The following SGMS1 variants were observed in gnomAD, a reference collection of about 807,000 sequenced individuals.
SGMS1 encodes sphingomyelin synthase 1.
In SGMS1, 13 loss-of-function variants were observed where a neutral mutation model predicts 46.2. That is an observed-to-expected ratio of 0.28 (90% confidence interval 0.18 to 0.45). The LOEUF (loss-of-function observed/expected upper bound fraction) is 0.45, where lower values mean the gene tolerates loss of function less well. Ranked by LOEUF, SGMS1 falls within the 20% of genes least tolerant of loss-of-function variation. The pLI, the probability that SGMS1 is intolerant of heterozygous loss-of-function variation, is 1.00. For missense variants in SGMS1, 324 were observed against 519.9 expected, an observed-to-expected ratio of 0.62 and a Z score of 3.66; for synonymous variants, 203 against 187.8, an observed-to-expected ratio of 1.08 and a Z score of -0.66.
At chr10:50,537,145 C>G (rs568663177) in intron 2 of SGMS1, among the ~76,000 whole-genome samples, 1 of 152,334 alleles carries the variant, frequency 6.6e-6, no homozygotes, top group South Asian at 2.1e-4. Flanking sequence ...AACTGAATGA[C>G]TGATACATAT....
intron 4 of SGMS1, among the ~76,000 whole-genome samples, chr10:50,466,553 G>A (rs1218807875): frequency 6.6e-6 from 1 of 152,104 alleles, no homozygotes; most frequent in East Asian, 1.9e-4. Flanking sequence ...ATAACAGGCT[G>A]TGGAAAATAA....
At chr10:50,427,789 C>A (rs1284452693) in intron 6 of SGMS1, among the ~76,000 whole-genome samples, 2 of 152,134 alleles carry the variant, frequency 1.3e-5, no homozygotes, top group Non-Finnish European at 2.9e-5. Flanking sequence ...TTATTTTAAA[C>A]CTCCAGAAAT....
chr10:50,532,789 T>A (rs1482977595), intron 2 of SGMS1, among the ~76,000 whole-genome samples: 1 of 152,236 alleles, frequency 6.6e-6, no homozygotes, highest in East Asian at 1.9e-4. Flanking sequence ...GTGGTCCATC[T>A]TTTTTTATTG....
intron 3 of SGMS1, among the ~76,000 whole-genome samples, chr10:50,510,827 GTTGT>G (rs763151884): frequency 2.0e-5 from 3 of 151,786 alleles, no homozygotes; most frequent in Non-Finnish European, 4.4e-5. Context: ...CATGTTCTTT[GTTGT>G]TTGTTTGGGT....
In SGMS1 at chr10:50,352,618, C is replaced by G. The variant is rs569668145; in HGVS notation, c.-231-8273G>C. 8.5e-5 allele frequency among the ~76,000 whole-genome samples: 13 copies of G among 152,234 alleles called. 1 individual carries two copies. The South Asian group carries it at 2.7e-3, about 32-fold the overall frequency. ...AAAATGCAGTGAGATTGTGATTGGTCTAAAATCTCATACATAGCAAAGAGT... is the reference window on the plus strand; with the variant it reads ...AAAATGCAGTGAGATTGTGATTGGTGTAAAATCTCATACATAGCAAAGAGT... On this transcript the variant is annotated intron_variant, in intron 6 of 10. Coordinates refer to ENST00000361781, the MANE Select transcript of SGMS1 (RefSeq NM_147156.4).
intron 6 of SGMS1, among the ~76,000 whole-genome samples, chr10:50,411,822 G>A (rs1280098744): frequency 6.6e-6 from 1 of 152,136 alleles, no homozygotes; most frequent in African/African-American, 2.4e-5. Flanking sequence ...TGCCAATACT[G>A]CTTACCCAGC....
At chr10:50,591,599 T>C (rs1838541812) in intron 1 of SGMS1, among the ~76,000 whole-genome samples, 1 of 152,186 alleles carries the variant, frequency 6.6e-6, no homozygotes, top group Admixed American at 6.5e-5. Flanking sequence ...ATGCACTTTA[T>C]TTTTTCCTTC....
chr10:50,614,124 T>TC lies in SGMS1; in HGVS notation c.-684+9582_-684+9583insG, dbSNP rs1838775348. ...CAGGAAGTCTTTCTTTTTTTTTTTT[T>TC]GCCAATGGAAGGGGGAATGAAAAAT... On this transcript the variant is annotated intron_variant, in intron 1 of 10. Coordinates refer to ENST00000361781, the MANE Select transcript of SGMS1 (RefSeq NM_147156.4). Among the ~76,000 whole-genome samples the TC allele has an allele frequency of 7.9e-5, 12 of 151,892 alleles. No homozygotes were observed. The South Asian group carries it at 2.5e-3, about 32-fold the overall frequency.
At chr10:50,485,610 C>T (rs1253089237) in intron 3 of SGMS1, among the ~76,000 whole-genome samples, 1 of 152,044 alleles carries the variant, frequency 6.6e-6, no homozygotes, top group African/African-American at 2.4e-5. Context: ...GCAAAAAGAA[C>T]AAAGCATTTC....
intron 6 of SGMS1, among the ~76,000 whole-genome samples, chr10:50,394,042 T>C (rs1848810628): frequency 1.3e-5 from 2 of 152,194 alleles, no homozygotes; most frequent in Non-Finnish European, 1.5e-5. Flanking sequence ...AAAACTGCCA[T>C]ACAAGCCAAT....
chr10:50,617,958 T>A (rs1838813339), intron 1 of SGMS1, among the ~76,000 whole-genome samples: 1 of 150,116 alleles, frequency 6.7e-6, no homozygotes, highest in African/African-American at 2.5e-5. Context: ...ACTCAAACAA[T>A]CCTCCCACCT....
chr10:50,392,852 C>T (rs368547656), intron 6 of SGMS1, among the ~76,000 whole-genome samples: 63 of 151,950 alleles, frequency 4.1e-4, no homozygotes, highest in Non-Finnish European at 1.5e-4. Context: ...CTGGGAGATA[C>T]GGATATGGAG....
At chr10:50,619,488 C>T (rs1442351681) in intron 1 of SGMS1, among the ~76,000 whole-genome samples, 1 of 152,128 alleles carries the variant, frequency 6.6e-6, no homozygotes, top group Non-Finnish European at 1.5e-5. Flanking sequence ...CATACATATG[C>T]AAGAACATAT....
At chr10:50,369,863 T>A (rs577045827) in intron 6 of SGMS1, among the ~76,000 whole-genome samples, 4 of 152,316 alleles carry the variant, frequency 2.6e-5, no homozygotes, top group African/African-American at 9.6e-5. Context: ...AGAAAATGTA[T>A]CTGGACAAAC....
rs114567688 is a variant in SGMS1, at chr10:50,455,325, C to T, written c.-313+5348G>A. Among the ~76,000 whole-genome samples, 499 of 152,274 alleles carry T rather than the reference C, an allele frequency of 3.3e-3. 4 individuals are homozygous for T. The highest frequency in any genetic ancestry group is 0.012 in the African/African-American group (480 of 41,560). ...TGTTTGCAAATTGGTCATAATTTACCCCTTTCCTGATGGAGAAAGCAAGAA... is the reference window on the plus strand; with the variant it reads ...TGTTTGCAAATTGGTCATAATTTACTCCTTTCCTGATGGAGAAAGCAAGAA... On this transcript the variant is annotated intron_variant, in intron 5 of 10. Coordinates refer to ENST00000361781, the MANE Select transcript of SGMS1 (RefSeq NM_147156.4).
chr10:50,449,766 C>T (rs1837077477), intron 5 of SGMS1, among the ~76,000 whole-genome samples: 1 of 152,024 alleles, frequency 6.6e-6, no homozygotes, highest in Admixed American at 6.6e-5. Flanking sequence ...ACCCTGATCA[C>T]CACTTAGCAT....
intron 3 of SGMS1, among the ~76,000 whole-genome samples, chr10:50,494,592 C>T (rs962734863): frequency 9.2e-5 from 14 of 151,942 alleles, no homozygotes; most frequent in African/African-American, 3.4e-4. Context: ...CACATGGACA[C>T]GTAGAGGGGA....
chr10:50,530,517 G>C (rs761203569), intron 2 of SGMS1, among the ~76,000 whole-genome samples: 5 of 152,188 alleles, frequency 3.3e-5, no homozygotes, highest in African/African-American at 4.8e-5. Flanking sequence ...GGGTCTCACT[G>C]TGTCGCCCAG....
intron 2 of SGMS1, among the ~76,000 whole-genome samples, chr10:50,549,283 C>T (rs551022404): frequency 5.3e-5 from 8 of 152,040 alleles, no homozygotes; most frequent in Non-Finnish European, 1.0e-4. Flanking sequence ...AGTAGAGACA[C>T]GAAATCAACC....
Sources: gnomAD v4.1 joint callset for allele counts (sites outside exome capture counted in the v4.1 genomes callset) on GRCh38, gnomAD v4.1.1 for gene constraint, MANE v1.5 for transcripts, NCBI Gene and HGNC (gene_info 2026-07-23, HGNC 2026-07-21) for gene names.